TMEM54: variants seen among roughly 807,000 people sequenced by gnomAD.
TMEM54 encodes the protein beta-casein-like protein.
A neutral mutation model predicts 21.3 loss-of-function variants in TMEM54; 21 were observed. The ratio of observed to expected loss-of-function variants is 0.99; its 90% CI spans 0.70 to 1.42. The LOEUF is 1.42. Among genes scored for constraint, TMEM54 ranks in the 40% most tolerant of loss-of-function variants. TMEM54 has a pLI of 0.00. For missense variants in TMEM54, 246 were observed against 294.0 expected (o/e 0.84, Z 1.19); for synonymous variants, 109 against 125.0 (o/e 0.87, Z 0.86).
At position 32,897,986 on chromosome 1, in the gene TMEM54, G is replaced by GAC; in HGVS notation, c.210+139_210+140insGT. On this transcript the variant is annotated intron_variant, in intron 2 of 5. Transcript: ENST00000373463. This position sits in a 1 kb window ranked among gnomAD's most constrained non-coding sequence, Gnocchi z 4.9. ...TAGATGAAGAAGTTGAGTGACTTGG[G>GAC]CAGTTGGTAAGTGGCAGACAAAGGG... 1.5e-5 allele frequency: 11 copies of GAC among 710,398 alleles called. No homozygotes were observed. The highest frequency in any genetic ancestry group is 2.6e-5 in the Non-Finnish European group (11 of 429,556). 44.0% of individuals were successfully genotyped at this position (710,398 alleles called of 1,614,324 possible).
At position 32,895,977 on chromosome 1, in the gene TMEM54, G is replaced by A. The variant is rs1298839234; in HGVS notation, c.211-8C>T. ...GATGCCTGAAGTGATGACCTGTAGG[G>A]AAGGCTCAAGTCAGCCCTGACTCCT... is the stretch of plus-strand genomic sequence containing the variant. On this transcript the variant is annotated splice_region_variant and splice_polypyrimidine_tract_variant and intron_variant, in intron 2 of 5. Transcript: ENST00000373463. The surrounding 1 kb of genome is among the most constrained non-coding windows in gnomAD (Gnocchi z 5.8). 3 of 1,612,166 alleles carry A rather than the reference G, an allele frequency of 1.9e-6. No individual in the cohort carries two copies. The highest frequency in any genetic ancestry group is 2.5e-6 in the Non-Finnish European group (3 of 1,179,112).
At chr1:32,900,844 T>A (rs1301980690) in intron 1 of TMEM54, among the ~76,000 whole-genome samples, 2 of 152,144 alleles carry the variant, frequency 1.3e-5, no homozygotes, top group Non-Finnish European at 2.9e-5. Context: ...TGGGAGCCCC[T>A]TGTAAGGGTG....
At chr1:32,898,404 G>A (rs2124050771) in intron 1 of TMEM54, 85 bp from the exon 2 acceptor site, 1 of 1,305,632 alleles carries the variant, frequency 7.7e-7, no homozygotes, top group Middle Eastern at 2.0e-4. Flanking sequence ...CCCTAGTGAT[G>A]GACATTGGGT....
At chr1:32,898,386 G>A in intron 1 of TMEM54, 67 bp from the exon 2 acceptor site, 3 of 1,450,890 alleles carry the variant, frequency 2.1e-6, no homozygotes, top group Non-Finnish European at 2.8e-6. Context: ...GGGAAGCTGA[G>A]GCCCTGGCCC....
Position 32,895,554 on chromosome 1 carries a change from C to A in TMEM54, c.459+1G>T. On this transcript the variant is annotated splice_donor_variant, in intron 4 of 5. Coordinates refer to ENST00000373463, the MANE Select transcript of TMEM54 (RefSeq NM_033504.4). LOFTEE classifies it high-confidence loss of function. This position sits in a 1 kb window ranked among gnomAD's most constrained non-coding sequence, Gnocchi z 5.8. ...CCCCTACTCCAGGCCTAGGTACTCA[C>A]ATAAATGCGTGTGGGGTCGAAGGGA... 1 of 1,594,000 alleles carries A rather than the reference C, an allele frequency of 6.3e-7. No homozygotes were observed. Among genetic ancestry groups the A allele is most frequent in the Non-Finnish European group, 8.5e-7 (1 of 1,170,434 alleles).
In TMEM54 at chr1:32,896,268, T is replaced by C. The variant is rs1047388282; in HGVS notation, c.211-299A>G. 1 of 311,506 alleles carries C rather than the reference T, an allele frequency of 3.2e-6. No individual in the cohort carries two copies. Among genetic ancestry groups the C allele is most frequent in the Non-Finnish European group, 5.9e-6 (1 of 170,278 alleles). 19.3% of individuals were successfully genotyped at this position (311,506 alleles called of 1,614,324 possible). A position where few individuals can be genotyped will look rare whatever the true frequency, so the allele number is the denominator to read the frequency against. ...GGGGCCACCGGGGCATGCCAGGGTA[T>C]GCATGGGACACCCCTTTCTGGAATG... On this transcript the variant is annotated intron_variant, in intron 2 of 5. Transcript: ENST00000373463. The surrounding 1 kb of genome is among the most constrained non-coding windows in gnomAD (Gnocchi z 4.1).
chr1:32,898,052 G>C (rs758816686), intron 2 of TMEM54, 74 bp downstream of exon 2: 190 of 1,417,296 alleles, frequency 1.3e-4, no homozygotes, highest in Middle Eastern at 2.1e-4. Context: ...CAGGCTCTGG[G>C]TGGGGACCTG....
Position 32,894,690 on chromosome 1 carries a change from TCCC to T in TMEM54, c.*112_*114del, listed in dbSNP as rs1458231999. ...GAGAGGGTTGAAAGCCCCACTTGGG[TCCC>T]CGAGGGTCCATTGAGCCCTCTCAGG... is the stretch of plus-strand genomic sequence containing the variant. On this transcript the variant is annotated 3_prime_UTR_variant, in exon 6 of 6. Transcript: ENST00000373463. The T allele has an allele frequency of 1.4e-6, 2 of 1,435,848 alleles. No individual in the cohort carries two copies. Among genetic ancestry groups the T allele is most frequent in the Admixed American group, 4.0e-5 (2 of 49,690 alleles). The allele number at this position is 1,435,848 out of a possible 1,614,324, so 88.9% of individuals were successfully genotyped here.
At chr1:32,894,979 C>G (rs527625041) in intron 5 of TMEM54, 100 bp from the exon 6 acceptor site, 9 of 1,522,410 alleles carry the variant, frequency 5.9e-6, no homozygotes, top group Non-Finnish European at 8.0e-6. Flanking sequence ...CTGGAAGGCT[C>G]TCTGGGGGCA....
chr1:32,896,736 G>C lies in TMEM54; in HGVS notation c.211-767C>G, dbSNP rs191065976. On this transcript the variant is annotated intron_variant, in intron 2 of 5. Coordinates refer to ENST00000373463, the MANE Select transcript of TMEM54 (RefSeq NM_033504.4). This position sits in a 1 kb window ranked among gnomAD's most constrained non-coding sequence, Gnocchi z 4.1. ...TGATGTTCCTCACTGGACCAGGCTT[G>C]GGCCGGACCCATCTGAGGCAGGTGG... Among the ~76,000 whole-genome samples, 20 of 152,358 alleles carry C rather than the reference G, an allele frequency of 1.3e-4. No homozygotes were observed. The highest frequency in any genetic ancestry group is 4.6e-4 in the African/African-American group (19 of 41,582).
At chr1:32,899,899 G>A (rs1285331425) in intron 1 of TMEM54, among the ~76,000 whole-genome samples, 1 of 152,198 alleles carries the variant, frequency 6.6e-6, no homozygotes, top group African/African-American at 2.4e-5. Context: ...TCCAGCCAGT[G>A]TCTGAGACCC....
In TMEM54 at chr1:32,895,207, G is replaced by A. The variant is rs1405436402; in HGVS notation, c.594+98C>T. The A allele has an allele frequency of 6.9e-7, 1 of 1,456,466 alleles. No homozygotes were observed. Among genetic ancestry groups the A allele is most frequent in the Non-Finnish European group, 9.2e-7 (1 of 1,090,662 alleles). The allele number at this position is 1,456,466 out of a possible 1,614,324, so 90.2% of individuals were successfully genotyped here. On this transcript the variant is annotated intron_variant, in intron 5 of 5. Transcript: ENST00000373463. This position sits in a 1 kb window ranked among gnomAD's most constrained non-coding sequence, Gnocchi z 5.8. The stretch of plus-strand genomic sequence containing the variant: ...AGAAAACTTCTGCCCCATTTCTCAA[G>A]GTGGGGGCCCATACATAGGGGTGGG...
In TMEM54 at chr1:32,901,180, GT is replaced by G. The variant is rs1641718965; in HGVS notation, c.16+42del. ...CTCAGTGCTCCGCTCCTGTGGGAGG[GT>G]TGGGGTGGTTCGGGGCCTCCCGCGC... On this transcript the variant is annotated intron_variant, in intron 1 of 5. Coordinates refer to ENST00000373463, the MANE Select transcript of TMEM54 (RefSeq NM_033504.4). This position sits in a 1 kb window ranked among gnomAD's most constrained non-coding sequence, Gnocchi z 4.2. 3 of 1,473,414 alleles carry G rather than the reference GT, an allele frequency of 2.0e-6. No homozygotes were observed. The highest frequency in any genetic ancestry group is 2.7e-6 in the Non-Finnish European group (3 of 1,096,994). 91.3% of individuals were successfully genotyped at this position (1,473,414 alleles called of 1,614,324 possible).
In TMEM54 at chr1:32,895,743, G is replaced by C. The variant is rs141498823; in HGVS notation, c.271C>G (p.Arg91Gly). Residue 91 changes from arginine to glycine, a missense_variant and splice_region_variant, in exon 4 of 6, where the codon CGC becomes GGC. By Grantham distance (125) the Arg-to-Gly change is moderately radical (BLOSUM62 -2). Transcript: ENST00000373463. The surrounding 1 kb of genome is among the most constrained non-coding windows in gnomAD (Gnocchi z 5.8). Reference protein sequence around the residue: ...LSRYLPSTPLRWTVFSSSVAC... With the variant: ...LSRYLPSTPLGWTVFSSSVAC... ...ACGCTCGAGCTAAACACTGTCCAGC[G>C]CTGGACGGGGGAGGCCACTGGTCAA... 5.1e-5 allele frequency: 80 copies of C among 1,555,068 alleles called. No homozygotes were observed. In the African/African-American group the frequency reaches 8.8e-4, roughly 17 times the overall value.
At position 32,894,688 on chromosome 1, in the gene TMEM54, G is replaced by A; in HGVS notation, c.*117C>T. ...GGGAGAGGGTTGAAAGCCCCACTTG[G>A]GTCCCCGAGGGTCCATTGAGCCCTC... On this transcript the variant is annotated 3_prime_UTR_variant, in exon 6 of 6. Transcript: ENST00000373463. 3 of 1,419,466 alleles carry A rather than the reference G, an allele frequency of 2.1e-6. No homozygotes were observed. Among genetic ancestry groups the A allele is most frequent in the Non-Finnish European group, 2.9e-6 (3 of 1,041,774 alleles). The allele number at this position is 1,419,466 out of a possible 1,614,324, so 87.9% of individuals were successfully genotyped here.
At position 32,897,317 on chromosome 1, in the gene TMEM54, G is replaced by C. The variant is rs957664799; in HGVS notation, c.210+809C>G. ...AGAGAGAAATAAGTCCCTCAGCCAG[G>C]AGAAGGCAGGGATGGAACTCAGACA... On this transcript the variant is annotated intron_variant, in intron 2 of 5. Transcript: ENST00000373463. The surrounding 1 kb of genome is among the most constrained non-coding windows in gnomAD (Gnocchi z 4.9). 6.6e-6 allele frequency among the ~76,000 whole-genome samples: 1 copy of C among 152,292 alleles called. No homozygotes were observed. The highest frequency in any genetic ancestry group is 2.1e-4 in the South Asian group (1 of 4,820).
rs745489292 is a variant in TMEM54 at position 32,898,177 on chromosome 1, C to T, written c.159G>A (p.Val53=). The T allele has an allele frequency of 1.1e-5, 17 of 1,611,974 alleles. No homozygotes were observed. The highest frequency in any genetic ancestry group is 1.4e-5 in the Non-Finnish European group (17 of 1,178,338). ...TGTTGACCACGCAGTACTGCAGAGC[C>T]ACCGCATCTTGAGGGGTGCCCACGT... The part of the protein sequence containing the change: ...LRYVGTPQDA[V]ALQYCVVNIL... The change falls in exon 2 of 6, where the codon GTG becomes GTA. Residue 53 remains valine, a synonymous_variant. Coordinates refer to ENST00000373463, the MANE Select transcript of TMEM54 (RefSeq NM_033504.4).
Position 32,895,766 on chromosome 1 carries a change from C to A in TMEM54, c.271-23G>T. 6.5e-7 allele frequency: 1 copy of A among 1,549,840 alleles called. No individual in the cohort carries two copies. On this transcript the variant is annotated intron_variant, in intron 3 of 5. Transcript: ENST00000373463. This position sits in a 1 kb window ranked among gnomAD's most constrained non-coding sequence, Gnocchi z 5.8. Reference sequence around the variant, plus strand: ...GCGCTGGACGGGGGAGGCCACTGGTCAATGGGCGTCGTGCTTGGCCCCCAT... The same window carrying A: ...GCGCTGGACGGGGGAGGCCACTGGTAAATGGGCGTCGTGCTTGGCCCCCAT...
rs1570034793 is a variant in TMEM54, at chr1:32,896,242, T to C, written c.211-273A>G. The C allele has an allele frequency of 8.4e-6, 3 of 357,560 alleles. No homozygotes were observed. The East Asian group carries it at 1.4e-4, about 16-fold the overall frequency. The allele number at this position is 357,560 out of a possible 1,614,324, so 22.1% of individuals were successfully genotyped here. On this transcript the variant is annotated intron_variant, in intron 2 of 5. Transcript: ENST00000373463. This position sits in a 1 kb window ranked among gnomAD's most constrained non-coding sequence, Gnocchi z 4.1. ...GTGTCTCAAGCAGGTTCATGTATCC[T>C]GGGGCCACCGGGGCATGCCAGGGTA...
Sources: allele counts gnomAD v4.1 joint callset (sites outside exome capture counted in the v4.1 genomes callset), GRCh38; gene constraint gnomAD v4.1.1; non-coding constraint Gnocchi (gnomAD v3.1); transcripts MANE v1.5; gene names NCBI Gene and HGNC (gene_info 2026-07-23, HGNC 2026-07-21).